The following MICU1 variants were observed in gnomAD, a reference collection of about 807,000 sequenced individuals.
MICU1 encodes the protein mitochondrial calcium uptake 1.
In MICU1, 45 loss-of-function variants were observed where a neutral mutation model predicts 56.8. The observed-to-expected ratio is 0.79, with a 90% CI of 0.62 to 1.02. The LOEUF is 1.02. MICU1 is among the 50% of genes least tolerant of loss of function. The pLI, the probability that MICU1 is intolerant of heterozygous loss-of-function variation, is 0.00. For missense variants in MICU1, 504 were observed against 587.1 expected, an observed-to-expected ratio of 0.86 and a Z score of 1.46; for synonymous variants, 186 against 195.1, an observed-to-expected ratio of 0.95 and a Z score of 0.39.
intron 1 of MICU1, among the ~76,000 whole-genome samples, chr10:72,605,369 T>C (rs1841658683): frequency 6.6e-6 from 1 of 152,176 alleles, no homozygotes; most frequent in African/African-American, 2.4e-5. Context: ...ATCCACTCCA[T>C]ATTTAGCATA....
At chr10:72,573,328 A>AAAC (rs1840661042) in intron 1 of MICU1, among the ~76,000 whole-genome samples, 7 of 114,300 alleles carry the variant, frequency 6.1e-5, no homozygotes, top group Admixed American at 9.8e-5. Context: ...AAAAAAAAAA[A>AAAC]AAAAAAACTA....
At chr10:72,397,212 C>G (rs577596358) in intron 10 of MICU1, among the ~76,000 whole-genome samples, 1 of 152,252 alleles carries the variant, frequency 6.6e-6, no homozygotes, top group Non-Finnish European at 1.5e-5. Context: ...AAATAAAATC[C>G]TTTACAAACA....
chr10:72,617,891 C>T (rs1189813180), intron 1 of MICU1, among the ~76,000 whole-genome samples: 4 of 152,068 alleles, frequency 2.6e-5, no homozygotes, highest in African/African-American at 9.7e-5. Flanking sequence ...CTAGGCTGGC[C>T]GCAGTGGCTT....
chr10:72,381,839 C>T (rs1218565323), intron 10 of MICU1, among the ~76,000 whole-genome samples: 2 of 151,988 alleles, frequency 1.3e-5, no homozygotes, highest in Non-Finnish European at 2.9e-5. Context: ...TAAAAATCCC[C>T]ATCACATCTT....
intron 11 of MICU1, 129 bp downstream of exon 11, chr10:72,375,654 T>G: frequency 1.2e-4 from 92 of 788,926 alleles, no homozygotes; most frequent in Non-Finnish European, 1.6e-4. Context: ...GGTGCTAATG[T>G]GAGAAAGGTG....
chr10:72,412,475 A>G (rs555063098), intron 9 of MICU1, among the ~76,000 whole-genome samples: 2 of 152,258 alleles, frequency 1.3e-5, no homozygotes, highest in South Asian at 4.1e-4. Context: ...TTTGTAGACA[A>G]TAGTGATTAT....
At chr10:72,431,349 C>T (rs1227943575) in intron 8 of MICU1, among the ~76,000 whole-genome samples, 4 of 152,218 alleles carry the variant, frequency 2.6e-5, no homozygotes, top group East Asian at 1.9e-4. Flanking sequence ...AGGCTGGTCT[C>T]GAGCTCCTGG....
intron 8 of MICU1, among the ~76,000 whole-genome samples, chr10:72,460,706 T>A (rs1865614195): frequency 6.6e-6 from 1 of 152,138 alleles, no homozygotes; most frequent in Non-Finnish European, 1.5e-5. Flanking sequence ...CCTAGGACAT[T>A]GTCTAGACTT....
intron 10 of MICU1, among the ~76,000 whole-genome samples, chr10:72,390,775 G>C (rs1863042426): frequency 6.6e-6 from 1 of 152,170 alleles, no homozygotes; most frequent in African/African-American, 2.4e-5. Flanking sequence ...GTATAAATTA[G>C]GGCCTCCACT....
chr10:72,615,252 G>T (rs1275198732), intron 1 of MICU1, among the ~76,000 whole-genome samples: 2 of 152,200 alleles, frequency 1.3e-5, no homozygotes, highest in South Asian at 2.1e-4. Context: ...CCAGTAATTG[G>T]AATTACAGAC....
chr10:72,575,324 G>A (rs769775423), intron 1 of MICU1, among the ~76,000 whole-genome samples: 3 of 152,060 alleles, frequency 2.0e-5, no homozygotes, highest in Admixed American at 6.5e-5. Context: ...ACAAATATTT[G>A]TATTTTTTTA....
chr10:72,569,237 A>ATATATTT, intron 1 of MICU1, among the ~76,000 whole-genome samples: 11 of 34,382 alleles, frequency 3.2e-4, no homozygotes, highest in East Asian at 2.1e-3. Flanking sequence ...ATATATATAT[A>ATATATTT]TTTTTTTTTT....
At chr10:72,512,107 GTTTT>G (rs869183579) in intron 5 of MICU1, among the ~76,000 whole-genome samples, 28 of 29,508 alleles carry the variant, frequency 9.5e-4, no homozygotes, top group African/African-American at 2.2e-3. Flanking sequence ...GTTGTTTTTT[GTTTT>G]TTTTTTTTTT....
chr10:72,382,276 A>AT (rs71018281), intron 10 of MICU1, among the ~76,000 whole-genome samples: 72,799 of 143,700 alleles, frequency 0.51, 19,544 homozygotes, highest in Non-Finnish European at 0.63. Context: ...CGTCCGGCTA[A>AT]TTTTTTTTTT....
chr10:72,506,477 C>A (rs918408503), intron 6 of MICU1, among the ~76,000 whole-genome samples: 6 of 152,122 alleles, frequency 3.9e-5, no homozygotes, highest in African/African-American at 9.7e-5. Flanking sequence ...ATAATAAATT[C>A]TGTCCAAAGT....
rs940967832 is a variant in MICU1 at position 72,523,834 on chromosome 10, C to T, written c.537+9912G>A. On this transcript the variant is annotated intron_variant, in intron 5 of 11. Coordinates refer to ENST00000361114, the MANE Select transcript of MICU1 (RefSeq NM_001195518.2). ...AGTGTCCTTGAAGATCTCCTTGGCC[C>T]GTCTGTAAGTATATATTCTTTTCAT... 9.2e-6 allele frequency: 14 copies of T among 1,527,240 alleles called. No homozygotes were observed. The Admixed American group carries it at 9.9e-5, about 11-fold the overall frequency. 94.6% of individuals were successfully genotyped at this position (1,527,240 alleles called of 1,614,324 possible).
chr10:72,475,383 T>C, intron 7 of MICU1, 86 bp from the exon 8 acceptor site: 1 of 1,245,406 alleles, frequency 8.0e-7, no homozygotes, highest in Non-Finnish European at 1.1e-6. Flanking sequence ...TAACTATTGT[T>C]TACTATTTGC....
rs184970033 is a variant in MICU1, at chr10:72,511,913, G to A, written c.538-3644C>T. Among the ~76,000 whole-genome samples, 377 of 152,084 alleles carry A rather than the reference G, an allele frequency of 2.5e-3. 1 individual carries two copies. Among genetic ancestry groups the A allele is most frequent in the African/African-American group, 8.6e-3 (357 of 41,470 alleles). The stretch of plus-strand genomic sequence containing the variant: ...ATTGGGTGGTGCCCATCAACATTGA[G>A]GGCAGACCGTCCCCATCTAAATCCA... On this transcript the variant is annotated intron_variant, in intron 5 of 11. Coordinates refer to ENST00000361114, the MANE Select transcript of MICU1 (RefSeq NM_001195518.2).
intron 10 of MICU1, among the ~76,000 whole-genome samples, chr10:72,394,286 T>C (rs1863174000): frequency 6.6e-6 from 1 of 152,166 alleles, no homozygotes; most frequent in African/African-American, 2.4e-5. Flanking sequence ...GACTAAGATG[T>C]AGACATATCC....
Sources: allele counts gnomAD v4.1 joint callset (sites outside exome capture counted in the v4.1 genomes callset), GRCh38; gene constraint gnomAD v4.1.1; transcripts MANE v1.5; gene names NCBI Gene and HGNC (gene_info 2026-07-23, HGNC 2026-07-21).